OCA2: variants seen among roughly 807,000 people sequenced by gnomAD.
OCA2 encodes the protein OCA2 melanosomal transmembrane protein.
A neutral mutation model predicts 100.2 loss-of-function variants in OCA2; 77 were observed. The ratio of observed to expected loss-of-function variants is 0.77; its 90% CI spans 0.64 to 0.93. The LOEUF is 0.93. OCA2 is among the 40% of genes least tolerant of loss of function. The pLI, the probability that OCA2 is intolerant of heterozygous loss-of-function variation, is 0.00. For synonymous variants in OCA2, 432 were observed against 439.2 expected (o/e 0.98, Z 0.21); for missense variants, 1,062 against 1,089.1 (o/e 0.98, Z 0.35).
intron 12 of OCA2, among the ~76,000 whole-genome samples, chr15:27,986,211 G>T (rs1037208): frequency 0.72 from 109,384 of 152,090 alleles, 41,436 homozygotes; most frequent in East Asian, 1. Context: ...ATTTAGGAAG[G>T]AATCATGGAA....
chr15:27,860,766 G>T (rs1342268953), intron 21 of OCA2, among the ~76,000 whole-genome samples: 1 of 152,164 alleles, frequency 6.6e-6, no homozygotes, highest in Non-Finnish European at 1.5e-5. Flanking sequence ...GACACGCAAG[G>T]GCACATGTCT....
chr15:27,957,439 G>C lies in OCA2; in HGVS notation c.1784+149C>G. ...TGTACCCCCTGCAGAGCTCAGTGAG[G>C]GTTAGATAAAATGTACTATAAGAGG... is the stretch of plus-strand genomic sequence containing the variant. On this transcript the variant is annotated intron_variant, in intron 16 of 23. Coordinates refer to ENST00000354638, the MANE Select transcript of OCA2 (RefSeq NM_000275.3). This position sits in a 1 kb window ranked among gnomAD's most constrained non-coding sequence, Gnocchi z 4.3. 1.1e-6 allele frequency: 1 copy of C among 936,652 alleles called. No individual in the cohort carries two copies. Among genetic ancestry groups the C allele is most frequent in the Non-Finnish European group, 1.7e-6 (1 of 591,500 alleles). The allele number at this position is 936,652 out of a possible 1,614,324, so 58.0% of individuals were successfully genotyped here.
chr15:27,921,176 T>C (rs971160207), intron 19 of OCA2, among the ~76,000 whole-genome samples: 3 of 152,034 alleles, frequency 2.0e-5, no homozygotes, highest in African/African-American at 4.8e-5. Context: ...AGTCACACTA[T>C]TGAAAGACAA....
chr15:27,949,092 A>G (rs2039943835), intron 18 of OCA2, among the ~76,000 whole-genome samples: 1 of 152,230 alleles, frequency 6.6e-6, no homozygotes, highest in Non-Finnish European at 1.5e-5. Flanking sequence ...ATAATAAAAA[A>G]AAAATAAAGA....
At chr15:27,897,175 G>GC (rs1463886041) in intron 19 of OCA2, among the ~76,000 whole-genome samples, 1 of 141,596 alleles carries the variant, frequency 7.1e-6, no homozygotes, top group Non-Finnish European at 1.5e-5. Flanking sequence ...GGGCGACAGA[G>GC]CAAGACTCCG....
intron 19 of OCA2, among the ~76,000 whole-genome samples, chr15:27,889,471 T>C (rs1240338044): frequency 2.0e-5 from 3 of 152,114 alleles, no homozygotes; most frequent in Non-Finnish European, 4.4e-5. Context: ...AAAAGGTATG[T>C]CTAAGGGTAT....
At chr15:28,075,206 G>T (rs2044393907) in intron 2 of OCA2, among the ~76,000 whole-genome samples, 1 of 151,926 alleles carries the variant, frequency 6.6e-6, no homozygotes, top group Non-Finnish European at 1.5e-5. Flanking sequence ...CTCTCCAAAA[G>T]AAATGAAAAA....
chr15:28,037,376 C>T (rs2043076031), intron 2 of OCA2, among the ~76,000 whole-genome samples: 1 of 152,048 alleles, frequency 6.6e-6, no homozygotes, highest in Non-Finnish European at 1.5e-5. Flanking sequence ...CCAAGCTGAG[C>T]AATGAGGCCT....
intron 2 of OCA2, among the ~76,000 whole-genome samples, chr15:28,057,750 G>A (rs1398572788): frequency 3.9e-5 from 6 of 152,234 alleles, no homozygotes; most frequent in South Asian, 2.1e-4. Context: ...CCCTCTGAGA[G>A]TAAGACAGGT....
intron 23 of OCA2, among the ~76,000 whole-genome samples, chr15:27,769,290 C>A (rs532155715): frequency 6.6e-6 from 1 of 152,362 alleles, no homozygotes; most frequent in African/African-American, 2.4e-5. Context: ...TGGACGCCCA[C>A]ACAGCCCCTG....
At chr15:27,722,400 T>C in the OCA2 span, among the ~76,000 whole-genome samples, 1 of 152,216 alleles carries the variant, frequency 6.6e-6, no homozygotes, top group Non-Finnish European at 1.5e-5. Flanking sequence ...CTTTTCCTTC[T>C]GCACACCTGG....
At chr15:27,841,083 G>A (rs1444073313) in intron 23 of OCA2, among the ~76,000 whole-genome samples, 1 of 152,238 alleles carries the variant, frequency 6.6e-6, no homozygotes, top group Non-Finnish European at 1.5e-5. Flanking sequence ...TCAGTGAGGA[G>A]ATGACTAAAC....
chr15:28,058,149 G>A (rs1482134338), intron 2 of OCA2, among the ~76,000 whole-genome samples: 3 of 152,170 alleles, frequency 2.0e-5, no homozygotes, highest in Admixed American at 6.5e-5. Context: ...CCCCAATAAT[G>A]AAATGAGAGA....
chr15:28,055,159 A>G (rs2043650403), intron 2 of OCA2, among the ~76,000 whole-genome samples: 1 of 152,144 alleles, frequency 6.6e-6, no homozygotes, highest in South Asian at 2.1e-4. Context: ...GCAGTTGTCT[A>G]AGAGGTTGGG....
chr15:27,843,179 T>C (rs571077970), intron 23 of OCA2, among the ~76,000 whole-genome samples: 1 of 152,204 alleles, frequency 6.6e-6, no homozygotes, highest in South Asian at 2.1e-4. Context: ...AGCCAGTGTA[T>C]AGTATGCTTG....
At position 27,966,762 on chromosome 15, in the gene OCA2, C is replaced by A. The variant is rs771694173; in HGVS notation, c.1564G>T (p.Val522Phe). 2.5e-6 allele frequency: 4 copies of A among 1,613,670 alleles called. No individual in the cohort carries two copies. The East Asian group carries it at 8.9e-5, about 36-fold the overall frequency. The change falls in exon 15 of 24, where the codon GTC becomes TTC. Residue 522 changes from valine (V) to phenylalanine (F), a missense_variant. Physicochemically the swap from Val to Phe is conservative, Grantham distance 50. Transcript: ENST00000354638. ...MFIGICLVLL[V>F]CFPLLRLLYW... ...AGGAGTCTGAGGAGCGGAAAGCAGA[C>A]CAGGAGAACAAGGCAAATCCCAATG...
At chr15:27,832,047 C>T (rs1430859834) in intron 23 of OCA2, among the ~76,000 whole-genome samples, 2 of 152,090 alleles carry the variant, frequency 1.3e-5, no homozygotes, top group Non-Finnish European at 2.9e-5. Context: ...GACCTCTATG[C>T]TTGCACACTC....
intron 15 of OCA2, among the ~76,000 whole-genome samples, chr15:27,965,350 T>C (rs533379097): frequency 6.6e-6 from 1 of 152,368 alleles, no homozygotes; most frequent in South Asian, 2.1e-4. Context: ...CTAGTTGTTA[T>C]GGGTTGAACT....
At chr15:27,745,355 A>C in the OCA2 span, among the ~76,000 whole-genome samples, 3 of 152,228 alleles carry the variant, frequency 2.0e-5, no homozygotes, top group African/African-American at 4.8e-5. Flanking sequence ...TTTTGCAAGA[A>C]TCAATATTAT....
Sources: allele counts gnomAD v4.1 joint callset (sites outside exome capture counted in the v4.1 genomes callset), GRCh38; gene constraint gnomAD v4.1.1; non-coding constraint Gnocchi (gnomAD v3.1); transcripts MANE v1.5; gene names NCBI Gene and HGNC (gene_info 2026-07-23, HGNC 2026-07-21).